The following TMEM178B variants were observed in gnomAD, a reference collection of about 807,000 sequenced individuals.
The protein encoded by TMEM178B is transmembrane protein 178B.
A neutral mutation model predicts 31.0 loss-of-function variants in TMEM178B; 5 were observed. The observed-to-expected ratio is 0.16, with a 90% CI of 0.08 to 0.34. TMEM178B has a LOEUF of 0.34. Ranked by LOEUF, TMEM178B falls within the 10% of genes least tolerant of loss-of-function variation. The pLI is 1.00. For missense variants in TMEM178B, 275 were observed against 400.3 expected (o/e 0.69, Z 2.67); for synonymous variants, 164 against 164.0 (o/e 1.00, Z 0.00).
chr7:141,371,385 A>G (rs1323739920), intron 2 of TMEM178B, among the ~76,000 whole-genome samples: 1 of 152,010 alleles, frequency 6.6e-6, no homozygotes, highest in African/African-American at 2.4e-5. Context: ...ACCTTCTGCC[A>G]TAGTGGAAGC....
At chr7:141,437,837 A>T (rs1336444581) in intron 3 of TMEM178B, 92 bp downstream of exon 3, 2 of 1,483,586 alleles carry the variant, frequency 1.3e-6, no homozygotes, top group East Asian at 4.9e-5. Flanking sequence ...AGCAGAGGGG[A>T]CCATGACGTG....
intron 2 of TMEM178B, among the ~76,000 whole-genome samples, chr7:141,306,174 T>C (rs751892640): frequency 1.4e-4 from 21 of 152,354 alleles, no homozygotes; most frequent in Admixed American, 5.2e-4. Context: ...GCCTAGTCTC[T>C]TGCAGCTAAA....
At chr7:141,289,735 A>G (rs1170766902) in intron 2 of TMEM178B, among the ~76,000 whole-genome samples, 1 of 151,100 alleles carries the variant, frequency 6.6e-6, no homozygotes, top group East Asian at 1.9e-4. Context: ...AAAAAAAGAA[A>G]AAAGAAAAAG....
chr7:141,227,336 C>G (rs1169855960), intron 2 of TMEM178B, among the ~76,000 whole-genome samples: 1 of 152,226 alleles, frequency 6.6e-6, no homozygotes, highest in African/African-American at 2.4e-5. Flanking sequence ...TTACCAGACA[C>G]TGTTCTAGGC....
At chr7:141,481,675 G>A (rs1802477798), downstream of TMEM178B, among the ~76,000 whole-genome samples, 1 of 152,174 alleles carries the variant, frequency 6.6e-6, no homozygotes, top group Non-Finnish European at 1.5e-5. Context: ...AAGTGCAGGT[G>A]AGGGCAGGTG....
At chr7:141,197,831 C>T (rs1318757605) in intron 1 of TMEM178B, among the ~76,000 whole-genome samples, 3 of 152,140 alleles carry the variant, frequency 2.0e-5, no homozygotes, top group Non-Finnish European at 4.4e-5. Context: ...TGGGGTTTCA[C>T]CATGATGGCC....
At chr7:141,410,865 T>A (rs1238601399) in intron 2 of TMEM178B, among the ~76,000 whole-genome samples, 1 of 152,210 alleles carries the variant, frequency 6.6e-6, no homozygotes, top group Non-Finnish European at 1.5e-5. Flanking sequence ...GATAATCAAT[T>A]GTACTACAGT....
At chr7:141,263,923 T>C (rs957935501) in intron 2 of TMEM178B, among the ~76,000 whole-genome samples, 1 of 152,200 alleles carries the variant, frequency 6.6e-6, no homozygotes, top group African/African-American at 2.4e-5. Context: ...AGATTAAAAT[T>C]AGCCAAGGGA....
At chr7:141,494,437 G>A in the TMEM178B span, among the ~76,000 whole-genome samples, 5 of 152,140 alleles carry the variant, frequency 3.3e-5, no homozygotes, top group Non-Finnish European at 2.9e-5. Flanking sequence ...AGAAAAAGAG[G>A]CAATGAAGTC....
intron 1 of TMEM178B, among the ~76,000 whole-genome samples, chr7:141,190,063 A>G (rs1056579988): frequency 2.0e-5 from 3 of 152,244 alleles, no homozygotes; most frequent in Non-Finnish European, 4.4e-5. Context: ...CACATGGTTT[A>G]ATGTCTTAAA....
At chr7:141,298,280 G>A (rs1250544462) in intron 2 of TMEM178B, among the ~76,000 whole-genome samples, 1 of 152,100 alleles carries the variant, frequency 6.6e-6, no homozygotes, top group Non-Finnish European at 1.5e-5. Flanking sequence ...TGGGTAGATT[G>A]CAAAAATTTT....
At chr7:141,100,752 A>G (rs957108661) in intron 1 of TMEM178B, among the ~76,000 whole-genome samples, 5 of 152,236 alleles carry the variant, frequency 3.3e-5, no homozygotes, top group African/African-American at 9.6e-5. Flanking sequence ...TGCAGAATGT[A>G]TACGTATTCT....
Position 141,353,003 on chromosome 7 carries a change from G to A in TMEM178B, c.497-84605G>A, listed in dbSNP as rs1799761435. On this transcript the variant is annotated intron_variant, in intron 2 of 3. Transcript: ENST00000565468. Reference sequence around the variant, plus strand: ...AGTTGTTTTCAAATTATTTAGCATTGTTTCTGGTGGTTCACTGTCCCTCAC... The same window carrying A: ...AGTTGTTTTCAAATTATTTAGCATTATTTCTGGTGGTTCACTGTCCCTCAC... Among the ~76,000 whole-genome samples, 2 of 152,154 alleles carry A rather than the reference G, an allele frequency of 1.3e-5. 1 individual carries two copies. Among genetic ancestry groups the A allele is most frequent in the South Asian group, 4.1e-4 (2 of 4,826 alleles).
chr7:141,278,582 AC>A (rs1158230830), intron 2 of TMEM178B, among the ~76,000 whole-genome samples: 4 of 152,088 alleles, frequency 2.6e-5, no homozygotes, highest in African/African-American at 7.2e-5. Context: ...ACTCTGTCTC[AC>A]AAAAAATAAA....
At chr7:141,112,079 A>G (rs559679997) in intron 1 of TMEM178B, among the ~76,000 whole-genome samples, 1 of 152,256 alleles carries the variant, frequency 6.6e-6, no homozygotes, top group Non-Finnish European at 1.5e-5. Context: ...TTTTGCCTGT[A>G]TGTATGTGTA....
intron 2 of TMEM178B, among the ~76,000 whole-genome samples, chr7:141,399,432 T>C (rs1563171602): frequency 6.6e-6 from 1 of 152,248 alleles, no homozygotes. Context: ...GGCAGAATCA[T>C]GACAAGACCT....
rs1012697793 is a variant in TMEM178B, at chr7:141,159,797, C to T, written c.383-52794C>T. On this transcript the variant is annotated intron_variant, in intron 1 of 3. Transcript: ENST00000565468. ...TAGAGACAGAAGGTAGAAGGGTGGTCGTCAGGGGGTTGGGGGATGGAGGAA... is the reference window on the plus strand; with the variant it reads ...TAGAGACAGAAGGTAGAAGGGTGGTTGTCAGGGGGTTGGGGGATGGAGGAA... 2.0e-5 allele frequency among the ~76,000 whole-genome samples: 3 copies of T among 151,422 alleles called. No homozygotes were observed. The East Asian group carries it at 5.8e-4, about 29-fold the overall frequency.
rs150292774 is a variant in TMEM178B at position 141,241,522 on chromosome 7, A to G, written c.496+28818A>G. 7.2e-3 allele frequency among the ~76,000 whole-genome samples: 1,065 copies of G among 148,712 alleles called. 10 individuals carry two copies. Among genetic ancestry groups the G allele is most frequent in the African/African-American group, 0.024 (996 of 40,672 alleles). On this transcript the variant is annotated intron_variant, in intron 2 of 3. Coordinates refer to ENST00000565468, the MANE Select transcript of TMEM178B (RefSeq NM_001195278.2). Reference sequence around the variant, plus strand: ...GGAGAATCACTTGAACCCAGGAGGCAGAGTTTGCAGTGATCTGAGATCCCG... The same window carrying G: ...GGAGAATCACTTGAACCCAGGAGGCGGAGTTTGCAGTGATCTGAGATCCCG...
chr7:141,241,408 A>AT (rs891745064), intron 2 of TMEM178B, among the ~76,000 whole-genome samples: 7 of 151,978 alleles, frequency 4.6e-5, no homozygotes, highest in African/African-American at 1.7e-4. Context: ...CCTGGCCAAC[A>AT]TGGTGAAAAC....
Sources: allele counts gnomAD v4.1 joint callset (sites outside exome capture counted in the v4.1 genomes callset), GRCh38; gene constraint gnomAD v4.1.1; transcripts MANE v1.5; gene names NCBI Gene and HGNC (gene_info 2026-07-23, HGNC 2026-07-21).